SSR3: variants seen among roughly 807,000 people sequenced by gnomAD.
SSR3 encodes signal sequence receptor subunit 3, also known as translocon-associated protein subunit gamma.
SSR3 carries 10 observed loss-of-function variants against 22.1 expected under a neutral mutation model. That is an observed-to-expected ratio of 0.45 (90% confidence interval 0.28 to 0.77). The LOEUF (loss-of-function observed/expected upper bound fraction) is 0.77, where lower values mean the gene tolerates loss of function less well. Among genes scored for constraint, SSR3 ranks in the 30% least tolerant of loss-of-function variants. The pLI, the probability that SSR3 is intolerant of heterozygous loss-of-function variation, is 0.13. For synonymous variants in SSR3, 104 were observed against 82.5 expected (o/e 1.26, Z -1.42); for missense variants, 181 against 220.5 (o/e 0.82, Z 1.13).
intron 2 of SSR3, 63 bp downstream of exon 2, chr3:156,553,592 C>A: frequency 2.0e-6 from 3 of 1,528,956 alleles, no homozygotes; most frequent in Non-Finnish European, 1.8e-6. Flanking sequence ...CACAAATGAT[C>A]TTTAAGAAGA....
At position 156,543,266 on chromosome 3, in the gene SSR3, G is replaced by A; in HGVS notation, c.495C>T (p.Asn165=). Residue 165 remains asparagine, a synonymous_variant, in exon 5 of 5, where the codon AAC becomes AAT. Transcript: ENST00000265044. Reference sequence around the variant, plus strand: ...ATGAAGCACTTATGGACAATATGTAGTTCCTGTAAGAAATTTAATGTTATG... The same window carrying A: ...ATGAAGCACTTATGGACAATATGTAATTCCTGTAAGAAATTTAATGTTATG... ...FILKNFNPTV[N]YILSISASSG... The A allele has an allele frequency of 6.2e-7, 1 of 1,613,038 alleles. No homozygotes were observed. Among genetic ancestry groups the A allele is most frequent in the South Asian group, 1.1e-5 (1 of 90,978 alleles).
intron 3 of SSR3, among the ~76,000 whole-genome samples, chr3:156,548,327 T>C (rs1559944535): frequency 1.3e-5 from 2 of 152,200 alleles, no homozygotes; most frequent in African/African-American, 2.4e-5. Flanking sequence ...CCAGTTATTT[T>C]CTTTTTCCCA....
At chr3:156,553,867 T>C (rs993772348) in intron 1 of SSR3, 86 bp from the exon 2 acceptor site, 13 of 1,366,006 alleles carry the variant, frequency 9.5e-6, no homozygotes, top group African/African-American at 1.5e-5. Context: ...TAATTATAGC[T>C]AAGCCTGGTA....
At chr3:156,548,009 C>T (rs1275618907) in intron 3 of SSR3, among the ~76,000 whole-genome samples, 1 of 152,074 alleles carries the variant, frequency 6.6e-6, no homozygotes, top group Non-Finnish European at 1.5e-5. Flanking sequence ...TTAAGAAAAC[C>T]GTATTAAATA....
rs1719378998 is a variant in SSR3 at position 156,540,084 on chromosome 3, T to C, written c.*3119A>G. ...AAAAGATGGTTAATGTAAAATAATA[T>C]AATAAAGATTACGTACTTCATCATA... On this transcript the variant is annotated 3_prime_UTR_variant, in exon 5 of 5. Transcript: ENST00000265044. 1 of 152,090 alleles carries C rather than the reference T, an allele frequency of 6.6e-6. No homozygotes were observed. The highest frequency in any genetic ancestry group is 1.5e-5 in the Non-Finnish European group (1 of 68,018). The allele number at this position is 152,090 out of a possible 1,614,324, so 9.4% of individuals were successfully genotyped here.
rs751610354 is a variant in SSR3 at position 156,543,224 on chromosome 3, G to A, written c.537C>T (p.Leu179=). 20 of 1,613,854 alleles carry A rather than the reference G, an allele frequency of 1.2e-5. No homozygotes were observed. Among genetic ancestry groups the A allele is most frequent in the Admixed American group, 1.7e-5 (1 of 60,000 alleles). Residue 179 remains leucine, a synonymous_variant, in exon 5 of 5, where the codon CTC becomes CTT. Transcript: ENST00000265044. ...SISASSGLIA[L]LSTGSK ...TGGTCTATTTGGAGCCAGTAGACAG[G>A]AGGGCGATGAGTCCTGATGAAGCAC...
At chr3:156,545,343 CAT>C (rs553293495) in intron 3 of SSR3, among the ~76,000 whole-genome samples, 11 of 152,294 alleles carry the variant, frequency 7.2e-5, no homozygotes, top group Non-Finnish European at 1.2e-4. Context: ...TTTTATGAAA[CAT>C]GTGCATGTGT....
intron 3 of SSR3, 192 bp downstream of exon 3, chr3:156,548,713 A>T (rs890546282): frequency 3.0e-6 from 2 of 673,078 alleles, no homozygotes; most frequent in African/African-American, 3.6e-5. Flanking sequence ...ACTATTGTAC[A>T]GCACAGATAA....
chr3:156,549,065 C>T, intron 2 of SSR3, 62 bp from the exon 3 acceptor site: 1 of 1,487,628 alleles, frequency 6.7e-7, no homozygotes, highest in East Asian at 2.3e-5. Context: ...ATCACACTCT[C>T]TCAGAAACAC....
chr3:156,554,663 A>G (rs765432964), intron 1 of SSR3: 8 of 407,338 alleles, frequency 2.0e-5, no homozygotes, highest in Non-Finnish European at 3.6e-5. Context: ...GTCTGTTTAA[A>G]TAGAGATTCG....
In SSR3 at chr3:156,555,007, G is replaced by A. The variant is rs1720099621; in HGVS notation, c.83C>T (p.Ser28Phe). 1.2e-6 allele frequency: 2 copies of A among 1,613,944 alleles called. No homozygotes were observed. Among genetic ancestry groups the A allele is most frequent in the Non-Finnish European group, 1.7e-6 (2 of 1,179,966 alleles). The change falls in exon 1 of 5, where the codon TCC becomes TTC. Residue 28 changes from serine to phenylalanine, a missense_variant. Transcript: ENST00000265044. Reference protein sequence around the residue: ...QDFSRNLSAKSSALFFGNAFI... With the variant: ...QDFSRNLSAKFSALFFGNAFI... ...CGCGTTTCCGAAGAAGAGCGCGGAG[G>A]ACTTGGCCGAGAGATTGCGGCTGAA... is the stretch of plus-strand genomic sequence containing the variant.
intron 3 of SSR3, 151 bp downstream of exon 3, chr3:156,548,753 AG>A: frequency 2.2e-6 from 2 of 891,466 alleles, no homozygotes; most frequent in South Asian, 3.6e-5. Context: ...AAACTCTAAA[AG>A]TCAGCTATTA....
At chr3:156,544,819 T>C (rs1382576669) in intron 3 of SSR3, among the ~76,000 whole-genome samples, 1 of 152,218 alleles carries the variant, frequency 6.6e-6, no homozygotes, top group African/African-American at 2.4e-5. Flanking sequence ...GGCTATACCT[T>C]GGGCTTGAGG....
chr3:156,550,017 G>A (rs1309456369), intron 2 of SSR3, among the ~76,000 whole-genome samples: 2 of 151,954 alleles, frequency 1.3e-5, no homozygotes, highest in Non-Finnish European at 2.9e-5. Context: ...CTTGCACTTC[G>A]GATACACTCA....
In SSR3 at chr3:156,540,605, CAAAAAAAA is replaced by C. The variant is rs751040914; in HGVS notation, c.*2590_*2597del. 1.4e-5 allele frequency: 1 copy of C among 71,862 alleles called. No individual in the cohort carries two copies. Among genetic ancestry groups the C allele is most frequent in the Non-Finnish European group, 2.4e-5 (1 of 41,046 alleles). 4.5% of individuals were successfully genotyped at this position (71,862 alleles called of 1,614,324 possible). On this transcript the variant is annotated 3_prime_UTR_variant, in exon 5 of 5. Coordinates refer to ENST00000265044, the MANE Select transcript of SSR3 (RefSeq NM_007107.5). ...TGGGTGACAGAGCGAGACGCTGTCT[CAAAAAAAA>C]AAAAAAAAAAAAAAGAATATCAATC... is the stretch of plus-strand genomic sequence containing the variant.
At chr3:156,547,166 C>A (rs1719796508) in intron 3 of SSR3, among the ~76,000 whole-genome samples, 1 of 152,178 alleles carries the variant, frequency 6.6e-6, no homozygotes, top group Non-Finnish European at 1.5e-5. Flanking sequence ...TGACACTCTG[C>A]ACTTATATAT....
intron 2 of SSR3, among the ~76,000 whole-genome samples, chr3:156,549,810 T>C (rs1394731857): frequency 6.6e-6 from 1 of 152,000 alleles, no homozygotes; most frequent in Non-Finnish European, 1.5e-5. Context: ...GAAAAAATAG[T>C]TCTAAAAAAA....
Position 156,548,002 on chromosome 3 carries a change from A to T in SSR3, c.359+903T>A, listed in dbSNP as rs1577000994. Among the ~76,000 whole-genome samples, 8 of 152,230 alleles carry T rather than the reference A, an allele frequency of 5.3e-5. No homozygotes were observed. The South Asian group carries it at 1.7e-3, about 31-fold the overall frequency. ...TGTTACTTGTTTTATATGCATTTTA[A>T]GAAAACCGTATTAAATACAGAAAAT... On this transcript the variant is annotated intron_variant, in intron 3 of 4. Transcript: ENST00000265044.
At chr3:156,548,090 A>T (rs747550498) in intron 3 of SSR3, among the ~76,000 whole-genome samples, 6 of 152,254 alleles carry the variant, frequency 3.9e-5, no homozygotes, top group Non-Finnish European at 7.3e-5. Context: ...GGGGTAAAAA[A>T]TATGTTCCAA....
Sources: gnomAD v4.1 joint callset for allele counts (sites outside exome capture counted in the v4.1 genomes callset) on GRCh38, gnomAD v4.1.1 for gene constraint, MANE v1.5 for transcripts, NCBI Gene and HGNC (gene_info 2026-07-23, HGNC 2026-07-21) for gene names.